The following ZNF469 variants were observed in gnomAD, a reference collection of about 807,000 sequenced individuals.
The protein encoded by ZNF469 is zinc finger protein 469.
Under a neutral mutation model 1.0 loss-of-function variants are expected in ZNF469, and 1 was observed. The observed-to-expected ratio is 1.00, with a 90% confidence interval of 0.35 to 4.73. The LOEUF (loss-of-function observed/expected upper bound fraction) is 4.73. Among genes scored for constraint, ZNF469 ranks in the 30% most tolerant of loss-of-function variants. ZNF469 has a pLI of 0.16. For synonymous variants in ZNF469, 2,703 were observed against 2,363.4 expected, an observed-to-expected ratio of 1.14 and a Z score of -4.17; for missense variants, 6,100 against 5,356.3, an observed-to-expected ratio of 1.14 and a Z score of -4.33.
intron 1 of ZNF469, among the ~76,000 whole-genome samples, chr16:88,418,162 G>A (rs544643321): frequency 3.9e-5 from 6 of 152,218 alleles, no homozygotes; most frequent in Non-Finnish European, 8.8e-5. Flanking sequence ...GAAGACCTGC[G>A]GCCCCAACCG....
the ZNF469 span, among the ~76,000 whole-genome samples, chr16:88,359,300 G>T: frequency 6.6e-6 from 1 of 150,732 alleles, no homozygotes; most frequent in African/African-American, 2.4e-5. Context: ...TGAGTGTCCC[G>T]GGGGCTCGGT....
At chr16:88,308,565 G>A in the ZNF469 span, among the ~76,000 whole-genome samples, 1 of 152,094 alleles carries the variant, frequency 6.6e-6, no homozygotes, top group African/African-American at 2.4e-5. Context: ...TTGCAATCTA[G>A]TCCTCTCCCA....
At chr16:88,344,885 CT>C in the ZNF469 span, among the ~76,000 whole-genome samples, 1 of 152,216 alleles carries the variant, frequency 6.6e-6, no homozygotes, top group African/African-American at 2.4e-5. Context: ...TCAGGTCGCC[CT>C]GCCTCCATCA....
At chr16:88,316,072 A>G in the ZNF469 span, among the ~76,000 whole-genome samples, 3 of 152,200 alleles carry the variant, frequency 2.0e-5, no homozygotes, top group Admixed American at 2.0e-4. Context: ...TGCTGCCACC[A>G]CAGCCCCGGG....
chr16:88,124,283 G>C, the ZNF469 span, among the ~76,000 whole-genome samples: 1 of 152,148 alleles, frequency 6.6e-6, no homozygotes, highest in Non-Finnish European at 1.5e-5. Context: ...ACCCAGGCTG[G>C]AGTGCAGTGG....
the ZNF469 span, among the ~76,000 whole-genome samples, chr16:88,230,531 G>A: frequency 6.6e-6 from 1 of 150,476 alleles, no homozygotes; most frequent in East Asian, 2.0e-4. Flanking sequence ...GAGTGGGCAA[G>A]TCGGGTGGGA....
At chr16:88,232,922 G>T in the ZNF469 span, among the ~76,000 whole-genome samples, 2 of 152,230 alleles carry the variant, frequency 1.3e-5, no homozygotes, top group African/African-American at 2.4e-5. Flanking sequence ...AGGGGCCTGT[G>T]GTCTGGCCGC....
At chr16:88,187,876 TCTC>T in the ZNF469 span, among the ~76,000 whole-genome samples, 17 of 152,110 alleles carry the variant, frequency 1.1e-4, no homozygotes, top group Non-Finnish European at 7.3e-5. Flanking sequence ...TTGACTGCCC[TCTC>T]CTCCTCCTGT....
the ZNF469 span, among the ~76,000 whole-genome samples, chr16:88,250,257 C>T: frequency 2.0e-5 from 3 of 152,220 alleles, no homozygotes; most frequent in Non-Finnish European, 4.4e-5. Context: ...ACCTCTATCA[C>T]CTTGAGTTAG....
In ZNF469 at chr16:88,429,544, C is replaced by A. The variant is rs529827333; in HGVS notation, c.2074C>A (p.His692Asn). 1.1e-5 allele frequency: 17 copies of A among 1,550,178 alleles called. 1 individual carries two copies. The South Asian group carries it at 1.7e-4, about 15-fold the overall frequency. Residue 692 changes from histidine (H) to asparagine (N), a missense_variant, in exon 3 of 3, where the codon CAC (histidine) becomes AAC (asparagine). By Grantham distance (68) the His-to-Asn change is moderately conservative. Coordinates refer to ENST00000565624, the MANE Select transcript of ZNF469 (RefSeq NM_001367624.2). ...FQCLEETPFP[H>N]EGPEVGRGGL... Reference sequence around the variant, plus strand: ...GTGCCTGGAGGAGACCCCATTCCCCCACGAGGGCCCCGAGGTGGGTCGGGG... The same window carrying A: ...GTGCCTGGAGGAGACCCCATTCCCCAACGAGGGCCCCGAGGTGGGTCGGGG...
intron 1 of ZNF469, among the ~76,000 whole-genome samples, chr16:88,411,542 G>A (rs1905168305): frequency 7.3e-6 from 1 of 136,304 alleles, no homozygotes; most frequent in African/African-American, 2.9e-5. Context: ...GGGTGGGTGT[G>A]AGCATGGCTC....
the ZNF469 span, among the ~76,000 whole-genome samples, chr16:88,317,286 T>C: frequency 1.3e-5 from 2 of 152,134 alleles, no homozygotes; most frequent in African/African-American, 4.8e-5. Flanking sequence ...GACACCCTCT[T>C]CTCCGTGGAG....
At chr16:88,265,601 C>T in the ZNF469 span, among the ~76,000 whole-genome samples, 1,017 of 152,224 alleles carry the variant, frequency 6.7e-3, 7 homozygotes, top group African/African-American at 0.023. Context: ...CAGAGCCACA[C>T]CGTGTGGCTG....
At chr16:88,371,035 T>C in the ZNF469 span, among the ~76,000 whole-genome samples, 1 of 152,354 alleles carries the variant, frequency 6.6e-6, no homozygotes, top group East Asian at 1.9e-4. Context: ...CCCAGCCAAG[T>C]GGCTGGCTGA....
At chr16:88,166,263 A>C in the ZNF469 span, among the ~76,000 whole-genome samples, 1 of 152,186 alleles carries the variant, frequency 6.6e-6, no homozygotes, top group East Asian at 1.9e-4. This position sits in a 1 kb window ranked among gnomAD's most constrained non-coding sequence, Gnocchi z 4.5. Flanking sequence ...CACTTTGATC[A>C]AATCTCCATT....
chr16:88,215,406 T>TTTTTTTTTTTTA, the ZNF469 span, among the ~76,000 whole-genome samples: 1 of 145,010 alleles, frequency 6.9e-6, no homozygotes, highest in African/African-American at 2.6e-5. Flanking sequence ...TTTTTTTTTT[T>TTTTTTTTTTTTA]GAGACAGAGT....
the ZNF469 span, among the ~76,000 whole-genome samples, chr16:88,325,093 G>A: frequency 1.3e-5 from 2 of 152,112 alleles, no homozygotes; most frequent in African/African-American, 2.4e-5. Context: ...ATCACATCCA[G>A]CTGCGGCATA....
chr16:88,312,746 T>C, the ZNF469 span, among the ~76,000 whole-genome samples: 2 of 152,206 alleles, frequency 1.3e-5, no homozygotes, highest in African/African-American at 4.8e-5. Context: ...CCAAGACCAT[T>C]TGAAATGCTG....
At position 88,435,783 on chromosome 16, in the gene ZNF469, G is replaced by A; in HGVS notation, c.8313G>A (p.Gly2771=). Residue 2771 remains glycine, a synonymous_variant, in exon 3 of 3, where the codon GGG becomes GGA. Coordinates refer to ENST00000565624, the MANE Select transcript of ZNF469 (RefSeq NM_001367624.2). ...TKALGVCKES[G]SEPAEDSSRA... ...CGTTGGGTGTGTGCAAAGAGTCTGGGAGCGAGCCTGCGGAGGACAGCAGCA... is the reference window on the plus strand; with the variant it reads ...CGTTGGGTGTGTGCAAAGAGTCTGGAAGCGAGCCTGCGGAGGACAGCAGCA... The A allele has an allele frequency of 4.5e-6, 7 of 1,550,654 alleles. No individual in the cohort carries two copies. Among genetic ancestry groups the A allele is most frequent in the Non-Finnish European group, 6.1e-6 (7 of 1,146,952 alleles).
Sources: allele counts gnomAD v4.1 joint callset (sites outside exome capture counted in the v4.1 genomes callset), GRCh38; gene constraint gnomAD v4.1.1; non-coding constraint Gnocchi (gnomAD v3.1); transcripts MANE v1.5; gene names NCBI Gene and HGNC (gene_info 2026-07-23, HGNC 2026-07-21).